The following CILP2 variants were observed in gnomAD, a reference collection of about 807,000 sequenced individuals.
CILP2 encodes the protein cartilage intermediate layer protein 2.
A neutral mutation model predicts 45.6 loss-of-function variants in CILP2; 38 were observed. The ratio of observed to expected loss-of-function variants is 0.83; its 90% CI spans 0.64 to 1.09. CILP2 has a LOEUF of 1.09. Ranked by LOEUF, CILP2 falls within the 50% of genes least tolerant of loss-of-function variation. The probability of loss-of-function intolerance (pLI) is 0.00; values close to 1 mark genes in which losing one functional copy is unlikely to be tolerated. For missense variants in CILP2, 1,735 were observed against 1,662.2 expected (o/e 1.04, Z -0.76); for synonymous variants, 780 against 723.5 (o/e 1.08, Z -1.25).
At position 19,541,207 on chromosome 19, in the gene CILP2, C is replaced by T. The variant is rs1464296597; in HGVS notation, c.553C>T (p.Pro185Ser). 1.6e-6 allele frequency: 2 copies of T among 1,279,322 alleles called. No individual in the cohort carries two copies. Among genetic ancestry groups the T allele is most frequent in the African/African-American group, 1.5e-5 (1 of 65,798 alleles). 79.2% of individuals were successfully genotyped at this position (1,279,322 alleles called of 1,614,324 possible). A position where few individuals can be genotyped will look rare whatever the true frequency, so the allele number is the denominator to read the frequency against. The change falls in exon 4 of 8, where the codon CCT (proline) becomes TCT (serine). Residue 185 changes from proline (P) to serine (S), a missense_variant. Coordinates refer to ENST00000291495, the MANE Select transcript of CILP2 (RefSeq NM_153221.2). ...CGCTGGGGATGCGTGTCCCGGGCGT[C>T]CTCTGGAGGCGCAGAAGTGCGTGCG... Reference protein sequence around the residue: ...SPAGDACPGRPLEAQKCVRPR... With the variant: ...SPAGDACPGRSLEAQKCVRPR...
At position 19,542,487 on chromosome 19, in the gene CILP2, C is replaced by T. The variant is rs1195824820; in HGVS notation, c.705C>T (p.Gly235=). 1 of 1,613,676 alleles carries T rather than the reference C, an allele frequency of 6.2e-7. No individual in the cohort carries two copies. Residue 235 remains glycine (G), a synonymous_variant, in exon 5 of 8, where the codon GGC becomes GGT. Transcript: ENST00000291495. The part of the protein sequence containing the change: ...GARVSLRDQP[G]TVATSDAHGT... ...GGGTCTCCCTGCGAGACCAGCCTGG[C>T]ACTGTGGCCACCAGCGATGCTCACG...
Position 19,543,697 on chromosome 19 carries a change from C to T in CILP2, c.1152C>T (p.Ala384=). The T allele has an allele frequency of 6.3e-7, 1 of 1,594,942 alleles. No homozygotes were observed. The highest frequency in any genetic ancestry group is 1.1e-5 in the South Asian group (1 of 88,962). ...RLTVLAPGQP[A]CDPRPREYLI... ...TGTCCCCAGCCCCAGGCCAGCCAGC[C>T]TGCGACCCCCGGCCCCGAGAGTACC... is the stretch of plus-strand genomic sequence containing the variant. Residue 384 remains alanine, a synonymous_variant, in exon 8 of 8, where the codon GCC becomes GCT. Transcript: ENST00000291495.
At position 19,543,712 on chromosome 19, in the gene CILP2, C is replaced by G. The variant is rs745825253; in HGVS notation, c.1167C>G (p.Pro389=). ...APGQPACDPR[P]REYLIKLPED... ...GCCAGCCAGCCTGCGACCCCCGGCC[C>G]CGAGAGTACCTGATCAAGCTCCCTG... is the stretch of plus-strand genomic sequence containing the variant. Residue 389 remains proline, a synonymous_variant, in exon 8 of 8, where the codon CCC becomes CCG. Coordinates refer to ENST00000291495, the MANE Select transcript of CILP2 (RefSeq NM_153221.2). 6.2e-7 allele frequency: 1 copy of G among 1,602,742 alleles called. No individual in the cohort carries two copies. The highest frequency in any genetic ancestry group is 1.7e-5 in the Admixed American group (1 of 59,124).
chr19:19,541,804 G>T (rs2061245475), intron 4 of CILP2, among the ~76,000 whole-genome samples: 2 of 152,210 alleles, frequency 1.3e-5, no homozygotes, highest in Admixed American at 6.5e-5. Context: ...GCCAGGAGGA[G>T]ACTGGAAATT....
Position 19,539,756 on chromosome 19 carries a change from C to G in CILP2, c.142C>G (p.Pro48Ala). ...GTCCGTGTACACCGGCCAGCCCTCA[C>G]CAGCCCTGGAGGACTGGGAAGGTGA... ...RRSVYTGQPSPALEDWEEASE... is the reference protein window; with the variant it reads ...RRSVYTGQPSAALEDWEEASE... The change falls in exon 2 of 8, where the codon CCA (proline) becomes GCA (alanine). Residue 48 changes from proline (P) to alanine (A), a missense_variant. Coordinates refer to ENST00000291495, the MANE Select transcript of CILP2 (RefSeq NM_153221.2). The G allele has an allele frequency of 6.2e-7, 1 of 1,601,548 alleles. No individual in the cohort carries two copies. The highest frequency in any genetic ancestry group is 8.5e-7 in the Non-Finnish European group (1 of 1,172,960).
Position 19,541,227 on chromosome 19 carries a change from C to T in CILP2, c.573C>T (p.Cys191=). 1.6e-6 allele frequency: 2 copies of T among 1,283,752 alleles called. No individual in the cohort carries two copies. The highest frequency in any genetic ancestry group is 2.0e-6 in the Non-Finnish European group (2 of 1,014,252). 79.5% of individuals were successfully genotyped at this position (1,283,752 alleles called of 1,614,324 possible). Residue 191 remains cysteine (C), a synonymous_variant, in exon 4 of 8, where the codon TGC becomes TGT. Transcript: ENST00000291495. ...GGCGTCCTCTGGAGGCGCAGAAGTG[C>T]GTGCGGCCTCGGTGTCCAGGTAGGA... ...CPGRPLEAQK[C]VRPRCPGCSL... is the part of the protein sequence containing the mutation.
Position 19,544,879 on chromosome 19 carries a change from G to A in CILP2, c.2334G>A (p.Trp778Ter), listed in dbSNP as rs1174381528. The change falls in exon 8 of 8, where the codon TGG (tryptophan) becomes TGA (stop). Residue 778 changes from tryptophan (W) to a stop codon, truncating the protein, a stop_gained. Transcript: ENST00000291495. LOFTEE classifies it low-confidence loss of function (END_TRUNC). ...GCTTCTCCGCCAACCCCCGTGCCTG[G>A]GGCCGCTTTGACAGCGCGGTCACCG... ...APGFSANPRA[W>*]GRFDSAVTGP... 2 of 1,590,384 alleles carry A rather than the reference G, an allele frequency of 1.3e-6. No individual in the cohort carries two copies. Among genetic ancestry groups the A allele is most frequent in the Admixed American group, 1.7e-5 (1 of 57,548 alleles).
chr19:19,542,322 C>T lies in CILP2; in HGVS notation c.593-53C>T, dbSNP rs141407289. On this transcript the variant is annotated intron_variant, in intron 4 of 7. Coordinates refer to ENST00000291495, the MANE Select transcript of CILP2 (RefSeq NM_153221.2). ...GACTGATTGAATGGAAAGCCCTCCT[C>T]AGGAGGGAGTGTGAAGGTTTCTCTG... The T allele has an allele frequency of 1.9e-4, 289 of 1,555,272 alleles. 1 individual carries two copies. In the African/African-American group the frequency reaches 3.4e-3, roughly 18 times the overall value.
In CILP2 at chr19:19,543,794, G is replaced by C; in HGVS notation, c.1249G>C (p.Asp417His). The change falls in exon 8 of 8, where the codon GAC (aspartate) becomes CAC (histidine). Residue 417 changes from aspartate (D) to histidine (H), a missense_variant. Physicochemically the swap from Asp to His is moderately conservative, Grantham distance 81. Transcript: ENST00000291495. ...CTACCTGGATGTGGGCCTCTGTCCC[G>C]ACACCCGCTGCCCCAGCCTGGCAGG... is the stretch of plus-strand genomic sequence containing the variant. ...PAYLDVGLCP[D>H]TRCPSLAGSS... The C allele has an allele frequency of 6.2e-7, 1 of 1,613,882 alleles. No homozygotes were observed.
Position 19,543,342 on chromosome 19 carries a change from C to G in CILP2, c.1072C>G (p.His358Asp). Residue 358 changes from histidine to aspartate, a missense_variant, in exon 7 of 8, where the codon CAC (histidine) becomes GAC (aspartate). Coordinates refer to ENST00000291495, the MANE Select transcript of CILP2 (RefSeq NM_153221.2). ...GCGCCCAGACCAGGCTGGCATCTAC[C>G]ACTGCAAGGCATGGAATGAGGCGGG... Reference protein sequence around the residue: ...GLRPDQAGIYHCKAWNEAGAV... With the variant: ...GLRPDQAGIYDCKAWNEAGAV... The G allele has an allele frequency of 6.2e-7, 1 of 1,613,692 alleles. No individual in the cohort carries two copies. Among genetic ancestry groups the G allele is most frequent in the Non-Finnish European group, 8.5e-7 (1 of 1,180,008 alleles).
Position 19,545,996 on chromosome 19 carries a change from C to A in CILP2, c.3451C>A (p.Arg1151=), listed in dbSNP as rs533787812. 14 of 1,498,444 alleles carry A rather than the reference C, an allele frequency of 9.3e-6. No individual in the cohort carries two copies. Among genetic ancestry groups the A allele is most frequent in the Non-Finnish European group, 1.2e-5 (14 of 1,124,166 alleles). 92.8% of individuals were successfully genotyped at this position (1,498,444 alleles called of 1,614,324 possible). A position where few individuals can be genotyped will look rare whatever the true frequency, so the allele number is the denominator to read the frequency against. ...ARASGPLRTR[R]GRVRQ ...GGCCTCAGGTCCCCTCCGCACCCGCCGGGGTAGGGTCCGGCAGTGACCTGG... is the reference window on the plus strand; with the variant it reads ...GGCCTCAGGTCCCCTCCGCACCCGCAGGGGTAGGGTCCGGCAGTGACCTGG... The change falls in exon 8 of 8, where the codon CGG becomes AGG. Residue 1151 remains arginine (R), a synonymous_variant. Coordinates refer to ENST00000291495, the MANE Select transcript of CILP2 (RefSeq NM_153221.2).
At position 19,538,348 on chromosome 19, in the gene CILP2, C is replaced by T. The variant is rs1213331962; in HGVS notation, c.-2C>T. 1.9e-6 allele frequency: 3 copies of T among 1,579,614 alleles called. No homozygotes were observed. Among genetic ancestry groups the T allele is most frequent in the Non-Finnish European group, 2.6e-6 (3 of 1,171,258 alleles). On this transcript the variant is annotated 5_prime_UTR_variant, in exon 1 of 8. Coordinates refer to ENST00000291495, the MANE Select transcript of CILP2 (RefSeq NM_153221.2). ...CCCTCCCTCGGACGCTCTGCCCCGG[C>T]CATGGCGTCGCTGCTGCCACTGCTC... is the stretch of plus-strand genomic sequence containing the variant.
intron 7 of CILP2, 23 bp from the exon 8 acceptor site, chr19:19,543,658 C>G: frequency 6.4e-7 from 1 of 1,573,366 alleles, no homozygotes. Flanking sequence ...CTGCCCTGAC[C>G]TGCATGTTTT....
rs1299404135 is a variant in CILP2 at position 19,543,826 on chromosome 19, C to G, written c.1281C>G (p.Ser427Arg). The change falls in exon 8 of 8, where the codon AGC (serine) becomes AGG (arginine). Residue 427 changes from serine to arginine, a missense_variant. Coordinates refer to ENST00000291495, the MANE Select transcript of CILP2 (RefSeq NM_153221.2). ...GCTGCCCCAGCCTGGCAGGCTCCAGCCCCCGCTGCGGGGACGCCAGCTCCC... is the reference window on the plus strand; with the variant it reads ...GCTGCCCCAGCCTGGCAGGCTCCAGGCCCCGCTGCGGGGACGCCAGCTCCC... Reference protein sequence around the residue: ...DTRCPSLAGSSPRCGDASSRC... With the variant: ...DTRCPSLAGSRPRCGDASSRC... 6.2e-7 allele frequency: 1 copy of G among 1,613,678 alleles called. No individual in the cohort carries two copies. Among genetic ancestry groups the G allele is most frequent in the African/African-American group, 1.3e-5 (1 of 74,952 alleles).
chr19:19,542,446 C>T lies in CILP2; in HGVS notation c.664C>T (p.Pro222Ser). ...LGSVVTPSGQPLLGARVSLRD... is the reference protein window; with the variant it reads ...LGSVVTPSGQSLLGARVSLRD... ...CTCGGTGGTCACCCCATCTGGGCAA[C>T]CACTGCTAGGAGCCAGGGTCTCCCT... Residue 222 changes from proline to serine, a missense_variant, in exon 5 of 8, where the codon CCA becomes TCA. Coordinates refer to ENST00000291495, the MANE Select transcript of CILP2 (RefSeq NM_153221.2). The T allele has an allele frequency of 6.2e-7, 1 of 1,612,498 alleles. No individual in the cohort carries two copies. The highest frequency in any genetic ancestry group is 8.5e-7 in the Non-Finnish European group (1 of 1,179,966).
At position 19,544,905 on chromosome 19, in the gene CILP2, G is replaced by T; in HGVS notation, c.2360G>T (p.Gly787Val). The T allele has an allele frequency of 6.3e-7, 1 of 1,588,464 alleles. No homozygotes were observed. Among genetic ancestry groups the T allele is most frequent in the Admixed American group, 1.7e-5 (1 of 57,582 alleles). The change falls in exon 8 of 8, where the codon GGC (glycine) becomes GTC (valine). Residue 787 changes from glycine to valine, a missense_variant. Gly to Val is a moderately radical substitution (Grantham distance 109, BLOSUM62 -3). Coordinates refer to ENST00000291495, the MANE Select transcript of CILP2 (RefSeq NM_153221.2). ...AWGRFDSAVTGPNGACLPAFC... is the reference protein window; with the variant it reads ...AWGRFDSAVTVPNGACLPAFC... ...GGCCGCTTTGACAGCGCGGTCACCG[G>T]CCCCAATGGCGCCTGCCTCCCCGCC...
At chr19:19,539,648 G>A (rs769966134) in intron 1 of CILP2, 31 bp from the exon 2 acceptor site, 4 of 1,497,336 alleles carry the variant, frequency 2.7e-6, no homozygotes, top group South Asian at 1.3e-5. Flanking sequence ...CAGTAGCAGC[G>A]TGCTTCCTTC....
rs772403645 is a variant in CILP2 at position 19,540,211 on chromosome 19, C to A, written c.171C>A (p.Ser57Arg). 2.5e-6 allele frequency: 4 copies of A among 1,589,436 alleles called. No homozygotes were observed. Among genetic ancestry groups the A allele is most frequent in the Non-Finnish European group, 3.4e-6 (4 of 1,171,086 alleles). Residue 57 changes from serine to arginine, a missense_variant, in exon 3 of 8, where the codon AGC becomes AGA. By Grantham distance (110) the Ser-to-Arg change is moderately radical. Transcript: ENST00000291495. ...SPALEDWEEA[S>R]EWTSWFNVDH... ...CGCGTGCGGTGCCCGCAGAGGCCAG[C>A]GAGTGGACGTCCTGGTTCAACGTGG...
chr19:19,539,583 G>T (rs1188475588), intron 1 of CILP2, 96 bp from the exon 2 acceptor site: 7 of 749,658 alleles, frequency 9.3e-6, no homozygotes, highest in African/African-American at 7.3e-5. Context: ...AAAAAAAAGG[G>T]GGGGGATGAT....
Sources: gnomAD v4.1 joint callset for allele counts (sites outside exome capture counted in the v4.1 genomes callset) on GRCh38, gnomAD v4.1.1 for gene constraint, MANE v1.5 for transcripts, NCBI Gene and HGNC (gene_info 2026-07-23, HGNC 2026-07-21) for gene names.